TTLL11: variants seen among roughly 807,000 people sequenced by gnomAD.
TTLL11 encodes tubulin tyrosine ligase like 11, also known as tubulin polyglutamylase TTLL11.
Under a neutral mutation model 51.7 loss-of-function variants are expected in TTLL11, and 42 were observed. The observed-to-expected ratio is 0.81, with a 90% CI of 0.64 to 1.05. TTLL11 has a LOEUF of 1.05. TTLL11 is among the 50% of genes least tolerant of loss of function. TTLL11 has a pLI of 0.00. For missense variants in TTLL11, 799 were observed against 940.4 expected (o/e 0.85, Z 1.97); for synonymous variants, 381 against 383.5 (o/e 0.99, Z 0.08).
intron 4 of TTLL11, among the ~76,000 whole-genome samples, chr9:121,976,803 G>A (rs1294452008): frequency 1.3e-5 from 2 of 152,154 alleles, no homozygotes; most frequent in Admixed American, 6.5e-5. Context: ...CCTTGGTCAT[G>A]AAAAGAAAGA....
chr9:121,873,194 T>C (rs1838418904), intron 6 of TTLL11, among the ~76,000 whole-genome samples: 1 of 152,170 alleles, frequency 6.6e-6, no homozygotes, highest in African/African-American at 2.4e-5. Context: ...CACAGTCAGG[T>C]GGTCATCTGC....
At chr9:121,953,175 T>C (rs997177286) in intron 6 of TTLL11, among the ~76,000 whole-genome samples, 15 of 152,298 alleles carry the variant, frequency 9.8e-5, no homozygotes, top group African/African-American at 3.6e-4. Context: ...ACTGGAGTGA[T>C]ACCACCAAAA....
chr9:121,861,971 T>A (rs1171751769), intron 7 of TTLL11, among the ~76,000 whole-genome samples: 2 of 152,182 alleles, frequency 1.3e-5, no homozygotes, highest in African/African-American at 2.4e-5. Context: ...ACAGAATTGC[T>A]GGGGAGGTTC....
intron 1 of TTLL11, among the ~76,000 whole-genome samples, chr9:122,089,902 C>T (rs117194584): frequency 4.6e-5 from 7 of 152,296 alleles, no homozygotes; most frequent in Non-Finnish European, 1.0e-4. Context: ...GATCCTCCCA[C>T]CTCAGCCTCC....
At chr9:121,921,209 G>A (rs1840530166) in intron 6 of TTLL11, among the ~76,000 whole-genome samples, 1 of 152,202 alleles carries the variant, frequency 6.6e-6, no homozygotes, top group South Asian at 2.1e-4. Flanking sequence ...AGGGAATTGA[G>A]TCTAATTCAC....
chr9:122,068,175 A>T (rs1845638186), intron 1 of TTLL11, among the ~76,000 whole-genome samples: 1 of 152,236 alleles, frequency 6.6e-6, no homozygotes, highest in Non-Finnish European at 1.5e-5. Flanking sequence ...ATATAACGAT[A>T]CAAAACAATA....
rs112959199 is a variant in TTLL11, at chr9:121,816,135, C to G, written c.*6452G>C. ...AGTCACTGGCCCGTGGTCATTTAGG[C>G]AGAGCGCAACAGATAGAACAAAGTG... is the stretch of plus-strand genomic sequence containing the variant. On this transcript the variant is annotated 3_prime_UTR_variant, in exon 9 of 9. Coordinates refer to ENST00000321582, the MANE Select transcript of TTLL11 (RefSeq NM_001139442.2). 8,508 of 152,266 alleles carry G rather than the reference C, an allele frequency of 0.056. 729 individuals are homozygous for G. Among genetic ancestry groups the G allele is most frequent in the African/African-American group, 0.19 (7,785 of 41,498 alleles). 9.4% of individuals were successfully genotyped at this position (152,266 alleles called of 1,614,324 possible). A position where few individuals can be genotyped will look rare whatever the true frequency, so the allele number is the denominator to read the frequency against.
chr9:122,060,717 T>TG (rs1221232958), intron 1 of TTLL11, among the ~76,000 whole-genome samples: 1 of 152,098 alleles, frequency 6.6e-6, no homozygotes, highest in Non-Finnish European at 1.5e-5. Flanking sequence ...ATCTGTAAAA[T>TG]GGGGGGAGAA....
intron 6 of TTLL11, among the ~76,000 whole-genome samples, chr9:121,872,063 G>A (rs116540024): frequency 2.0e-4 from 31 of 152,314 alleles, no homozygotes; most frequent in African/African-American, 6.5e-4. Flanking sequence ...ATGACGTCTC[G>A]TGGTACTGAG....
intron 6 of TTLL11, among the ~76,000 whole-genome samples, chr9:121,911,312 G>T (rs141243514): frequency 0.028 from 4,210 of 152,166 alleles, 143 homozygotes; most frequent in African/African-American, 0.076. Flanking sequence ...CTGGAGAATC[G>T]CTTGAACCCA....
intron 4 of TTLL11, among the ~76,000 whole-genome samples, chr9:121,976,953 T>C (rs779818523): frequency 5.9e-5 from 9 of 152,352 alleles, no homozygotes; most frequent in South Asian, 2.1e-4. Context: ...AGACATGTGA[T>C]GTTGATGAGG....
rs183726307 is a variant in TTLL11, at chr9:121,851,443, T to C, written c.1840+8894A>G. 1.4e-4 allele frequency among the ~76,000 whole-genome samples: 21 copies of C among 152,372 alleles called. No homozygotes were observed. In the East Asian group the frequency reaches 2.9e-3, roughly 21 times the overall value. On this transcript the variant is annotated intron_variant, in intron 8 of 8. Transcript: ENST00000321582. ...GGGAGAGTGCATGGGAATTCTGTAC[T>C]ATCTGCTCAATTTTTTCTGTAACTA...
At chr9:121,847,933 G>T (rs1837565091) in intron 8 of TTLL11, among the ~76,000 whole-genome samples, 1 of 152,164 alleles carries the variant, frequency 6.6e-6, no homozygotes, top group African/African-American at 2.4e-5. Context: ...ATCACAGGCT[G>T]GGCACCAATA....
Position 121,870,611 on chromosome 9 carries a change from G to A in TTLL11, c.1619C>T (p.Ala540Val), listed in dbSNP as rs1838324303. 6.4e-7 allele frequency: 1 copy of A among 1,551,598 alleles called. No homozygotes were observed. The highest frequency in any genetic ancestry group is 1.2e-5 in the South Asian group (1 of 84,060). Reference protein sequence around the residue: ...ICLKQVFPKYAKQFNYLRLVD... With the variant: ...ICLKQVFPKYVKQFNYLRLVD... Reference sequence around the variant, plus strand: ...CAGGCGCAGGTAGTTGAACTGTTTTGCGTACTTGGGGAACACCTGCTTGAG... The same window carrying A: ...CAGGCGCAGGTAGTTGAACTGTTTTACGTACTTGGGGAACACCTGCTTGAG... The change falls in exon 7 of 9, where the codon GCA (alanine) becomes GTA (valine). Residue 540 changes from alanine to valine, a missense_variant. Ala to Val is a moderately conservative substitution (Grantham distance 64). Transcript: ENST00000321582.
At chr9:122,025,053 G>C (rs1335676561) in intron 3 of TTLL11, among the ~76,000 whole-genome samples, 2 of 151,482 alleles carry the variant, frequency 1.3e-5, no homozygotes, top group African/African-American at 4.9e-5. Flanking sequence ...ATAAAAAAAG[G>C]CACAGACTGG....
At chr9:121,991,907 G>T (rs181528293) in intron 3 of TTLL11, among the ~76,000 whole-genome samples, 2 of 152,288 alleles carry the variant, frequency 1.3e-5, no homozygotes, top group East Asian at 3.9e-4. Flanking sequence ...CCCACAACTG[G>T]CTGGCAGTAT....
At chr9:122,059,312 T>G (rs191836542) in intron 1 of TTLL11, among the ~76,000 whole-genome samples, 7 of 152,320 alleles carry the variant, frequency 4.6e-5, no homozygotes. Context: ...TGCTGAGCAT[T>G]TACTATGTGC....
intron 6 of TTLL11, among the ~76,000 whole-genome samples, chr9:121,902,595 T>G (rs1052247636): frequency 1.1e-4 from 16 of 152,152 alleles, no homozygotes; most frequent in African/African-American, 3.6e-4. Context: ...CCGAGTTGTT[T>G]TTTTTTTTAA....
Position 121,989,314 on chromosome 9 carries a change from TC to T in TTLL11, c.1149del (p.Lys384ArgfsTer10), listed in dbSNP as rs2131693159. The T allele has an allele frequency of 6.2e-7, 1 of 1,614,190 alleles. No individual in the cohort carries two copies. The highest frequency in any genetic ancestry group is 2.2e-5 in the East Asian group (1 of 44,890). On this transcript the variant is annotated frameshift_variant, in exon 4 of 9. Transcript: ENST00000321582. LOFTEE classifies it high-confidence loss of function. The surrounding 1 kb of genome is among the most constrained non-coding windows in gnomAD (Gnocchi z 4.2). Reference protein sequence around the residue: ...CRLSSKGVDIKKVWSDIISVV... With the variant: ...CRLSSKGVDIXKVWSDIISVV... ...ACGGAGATGATGTCAGACCAGACCTTCTTGATGTCAACGCCTTTGGAAGACA... is the reference window on the plus strand; with the variant it reads ...ACGGAGATGATGTCAGACCAGACCTTTTGATGTCAACGCCTTTGGAAGACA...
Sources: allele counts gnomAD v4.1 joint callset (sites outside exome capture counted in the v4.1 genomes callset), GRCh38; gene constraint gnomAD v4.1.1; non-coding constraint Gnocchi (gnomAD v3.1); transcripts MANE v1.5; gene names NCBI Gene and HGNC (gene_info 2026-07-23, HGNC 2026-07-21).